Variants in PPP3CB observed in about 807,000 individuals in gnomAD.
The protein encoded by PPP3CB is serine/threonine-protein phosphatase 2B catalytic subunit beta isoform.
In PPP3CB, 8 loss-of-function variants were observed where a neutral mutation model predicts 66.4. That is an observed-to-expected ratio of 0.12 (90% CI 0.07 to 0.22). The LOEUF (loss-of-function observed/expected upper bound fraction) is 0.22. Among genes scored for constraint, PPP3CB ranks in the 10% least tolerant of loss-of-function variants. PPP3CB has a pLI of 1.00. For synonymous variants in PPP3CB, 208 were observed against 221.2 expected (o/e 0.94, Z 0.53); for missense variants, 319 against 642.5 (o/e 0.50, Z 5.44).
At chr10:73,490,387 T>C (rs564558859) in intron 1 of PPP3CB, among the ~76,000 whole-genome samples, 4 of 152,360 alleles carry the variant, frequency 2.6e-5, no homozygotes, top group Non-Finnish European at 5.9e-5. Flanking sequence ...TTTTGTACTT[T>C]TGTTGTTCTC....
intron 1 of PPP3CB, among the ~76,000 whole-genome samples, chr10:73,490,093 T>C (rs1239089492): frequency 6.6e-6 from 1 of 152,174 alleles, no homozygotes; most frequent in Admixed American, 6.5e-5. Context: ...TTCTGTATCA[T>C]CAATGCCTAG....
intron 4 of PPP3CB, among the ~76,000 whole-genome samples, chr10:73,474,334 C>T (rs1454554243): frequency 1.3e-5 from 2 of 151,746 alleles, no homozygotes; most frequent in Non-Finnish European, 2.9e-5. Context: ...AGCTACCGTG[C>T]CTGGCTTAGA....
intron 2 of PPP3CB, among the ~76,000 whole-genome samples, chr10:73,479,090 T>C (rs538427050): frequency 6.6e-6 from 1 of 152,332 alleles, no homozygotes; most frequent in South Asian, 2.1e-4. Flanking sequence ...TGATGAAACC[T>C]TCACAAAAGC....
At chr10:73,447,062 G>A (rs765582378) in intron 10 of PPP3CB, among the ~76,000 whole-genome samples, 2 of 152,186 alleles carry the variant, frequency 1.3e-5, no homozygotes, top group African/African-American at 4.8e-5. Flanking sequence ...GACTATGACA[G>A]AATAAGCTTC....
At chr10:73,469,218 G>A (rs1031526528) in intron 8 of PPP3CB, among the ~76,000 whole-genome samples, 1 of 152,152 alleles carries the variant, frequency 6.6e-6, no homozygotes, top group Non-Finnish European at 1.5e-5. Flanking sequence ...CTGGTAGAAA[G>A]TTAAATTTAA....
chr10:73,495,615 G>A lies in PPP3CB; in HGVS notation c.85+190C>T. 6.3e-6 allele frequency: 5 copies of A among 796,328 alleles called. No homozygotes were observed. In the South Asian group the frequency reaches 7.9e-5, roughly 13 times the overall value. 49.3% of individuals were successfully genotyped at this position (796,328 alleles called of 1,614,324 possible). On this transcript the variant is annotated intron_variant, in intron 1 of 13. Transcript: ENST00000360663. The stretch of plus-strand genomic sequence containing the variant: ...TCCGCCCCGGCCTGAAAGCAACCGG[G>A]AGACCGCGGAACCACTGCCACCGAC...
At chr10:73,484,534 G>A (rs2056940035) in intron 1 of PPP3CB, among the ~76,000 whole-genome samples, 1 of 150,762 alleles carries the variant, frequency 6.6e-6, no homozygotes, top group African/African-American at 2.5e-5. Flanking sequence ...GCCTCCCAAA[G>A]TGCTGGGATT....
At chr10:73,493,174 G>A (rs922056561) in intron 1 of PPP3CB, among the ~76,000 whole-genome samples, 41 of 151,846 alleles carry the variant, frequency 2.7e-4, no homozygotes, top group African/African-American at 8.7e-4. Context: ...TACTCGGGAG[G>A]CTGAGGCAGG....
At chr10:73,458,355 T>A (rs2056464078) in intron 9 of PPP3CB, among the ~76,000 whole-genome samples, 1 of 152,096 alleles carries the variant, frequency 6.6e-6, no homozygotes, top group Admixed American at 6.6e-5. Flanking sequence ...CAGGCTGGTC[T>A]TGAATTCCTG....
At chr10:73,478,685 GT>G (rs1326398157) in intron 2 of PPP3CB, 62 bp from the exon 3 acceptor site, 2 of 1,443,982 alleles carry the variant, frequency 1.4e-6, no homozygotes, top group East Asian at 2.3e-5. Flanking sequence ...TTTTACTTAA[GT>G]TAAAACGTAT....
chr10:73,443,332 A>AAAGAAAGAAAGAAAGAAAG (rs1589682236), intron 12 of PPP3CB, among the ~76,000 whole-genome samples: 1 of 125,474 alleles, frequency 8.0e-6, no homozygotes, highest in Admixed American at 8.0e-5. Flanking sequence ...AAGAAAGAAA[A>AAAGAAAGAAAGAAAGAAAG]AGAAAGAGAA....
chr10:73,475,168 C>T lies in PPP3CB; in HGVS notation c.412-138G>A, dbSNP rs867380385. On this transcript the variant is annotated intron_variant, in intron 3 of 13. Coordinates refer to ENST00000360663, the MANE Select transcript of PPP3CB (RefSeq NM_021132.4). ...GTCCCTTACTAAAATATAAGCACCA[C>T]AAAATCACAGATTTTGTCATCTTAT... 6.6e-6 allele frequency: 8 copies of T among 1,211,004 alleles called. No individual in the cohort carries two copies. In the African/African-American group the frequency reaches 1.1e-4, roughly 17 times the overall value. The allele number at this position is 1,211,004 out of a possible 1,614,324, so 75.0% of individuals were successfully genotyped here. A position where few individuals can be genotyped will look rare whatever the true frequency, so the allele number is the denominator to read the frequency against.
At chr10:73,493,792 T>C (rs1233790325) in intron 1 of PPP3CB, among the ~76,000 whole-genome samples, 1 of 152,246 alleles carries the variant, frequency 6.6e-6, no homozygotes, top group African/African-American at 2.4e-5. Flanking sequence ...GCTCCTTTCC[T>C]ATTTATCTAA....
At chr10:73,454,773 C>CAACT (rs2056397807) in intron 9 of PPP3CB, among the ~76,000 whole-genome samples, 1 of 148,502 alleles carries the variant, frequency 6.7e-6, no homozygotes, top group African/African-American at 2.5e-5. Flanking sequence ...AGATGAATAA[C>CAACT]AACTGAATGT....
Position 73,470,718 on chromosome 10 carries a change from T to C in PPP3CB, c.951A>G (p.Ala317=). 6.3e-7 allele frequency: 1 copy of C among 1,598,614 alleles called. No individual in the cohort carries two copies. The highest frequency in any genetic ancestry group is 8.5e-7 in the Non-Finnish European group (1 of 1,169,734). ...GFPSLITIFS[A]PNYLDVYNNK... Reference sequence around the variant, plus strand: ...TATTGTAGACATCTAAGTAATTAGGTGCCGAAAAAATTGTTATTAATGAAG... The same window carrying C: ...TATTGTAGACATCTAAGTAATTAGGCGCCGAAAAAATTGTTATTAATGAAG... Residue 317 remains alanine, a synonymous_variant, in exon 8 of 14, where the codon GCA becomes GCG. Coordinates refer to ENST00000360663, the MANE Select transcript of PPP3CB (RefSeq NM_021132.4).
chr10:73,459,927 T>C (rs1378241644), intron 9 of PPP3CB, among the ~76,000 whole-genome samples: 2 of 152,192 alleles, frequency 1.3e-5, no homozygotes, highest in Non-Finnish European at 2.9e-5. Flanking sequence ...CATGGAATTG[T>C]ACAATTTAAA....
chr10:73,454,577 T>C, intron 9 of PPP3CB, 88 bp from the exon 10 acceptor site: 1 of 832,972 alleles, frequency 1.2e-6, no homozygotes, highest in Non-Finnish European at 1.9e-6. Context: ...AATGGTCAAA[T>C]AATGTTTAGC....
At chr10:73,481,872 T>C (rs1475169727) in intron 1 of PPP3CB, among the ~76,000 whole-genome samples, 1 of 151,942 alleles carries the variant, frequency 6.6e-6, no homozygotes, top group Non-Finnish European at 1.5e-5. Flanking sequence ...ACAAGAAACA[T>C]GTATTACCAT....
At chr10:73,472,507 A>G (rs902112866) in intron 4 of PPP3CB, among the ~76,000 whole-genome samples, 4 of 152,152 alleles carry the variant, frequency 2.6e-5, no homozygotes, top group East Asian at 1.9e-4. Flanking sequence ...AAAAAAAAAA[A>G]AAAGAAAGAA....
Sources: gnomAD v4.1 joint callset for allele counts (sites outside exome capture counted in the v4.1 genomes callset) on GRCh38, gnomAD v4.1.1 for gene constraint, MANE v1.5 for transcripts, NCBI Gene and HGNC (gene_info 2026-07-23, HGNC 2026-07-21) for gene names.